UNC79: variants seen among roughly 807,000 people sequenced by gnomAD.
UNC79 encodes the protein unc-79 subunit of NALCN channel complex, also known as protein unc-79 homolog.
In UNC79, 37 loss-of-function variants were observed where a neutral mutation model predicts 283.1. The observed-to-expected ratio is 0.13, with a 90% confidence interval of 0.10 to 0.17. UNC79 has a LOEUF of 0.17. Among genes scored for constraint, UNC79 ranks in the 10% least tolerant of loss-of-function variants. The pLI, the probability that UNC79 is intolerant of heterozygous loss-of-function variation, is 1.00. For synonymous variants in UNC79, 1,107 were observed against 1,200.2 expected, an observed-to-expected ratio of 0.92 and a Z score of 1.61; for missense variants, 2,272 against 3,211.1, an observed-to-expected ratio of 0.71 and a Z score of 7.07.
At position 93,621,759 on chromosome 14, in the gene UNC79, C is replaced by T. The variant is rs749877865; in HGVS notation, c.4526C>T (p.Ser1509Leu). The T allele has an allele frequency of 1.9e-6, 3 of 1,614,152 alleles. No homozygotes were observed. Among genetic ancestry groups the T allele is most frequent in the Non-Finnish European group, 2.5e-6 (3 of 1,180,024 alleles). ...TCTCTTGATATAGGGAATGCAGACT[C>T]GCTTTTGTTTACATTAGACGAACAT... Residue 1509 changes from serine to leucine, a missense_variant, in exon 30 of 49, where the codon TCG (serine) becomes TTG (leucine). Around this residue, in one of 11 missense-constraint regions of UNC79, gnomAD observed 580 missense variants for 632.2 expected, o/e 0.92. Coordinates refer to ENST00000555664, the Ensembl canonical transcript of UNC79. This position sits in a 1 kb window ranked among gnomAD's most constrained non-coding sequence, Gnocchi z 4.8.
intron 1 of UNC79, among the ~76,000 whole-genome samples, chr14:93,421,268 A>G (rs964552640): frequency 7.9e-5 from 12 of 151,742 alleles, no homozygotes; most frequent in Non-Finnish European, 1.3e-4. Flanking sequence ...AAATGGAGAC[A>G]TTACAACTTA....
intron 1 of UNC79, among the ~76,000 whole-genome samples, chr14:93,379,289 C>T (rs925179644): frequency 2.0e-5 from 3 of 152,092 alleles, no homozygotes; most frequent in Admixed American, 6.6e-5. Context: ...AACAGCTAGA[C>T]TTACAAACTG....
chr14:93,537,268 G>A (rs2061137014), intron 11 of UNC79, among the ~76,000 whole-genome samples: 1 of 152,216 alleles, frequency 6.6e-6, no homozygotes, highest in South Asian at 2.1e-4. Context: ...CCTGAACTTG[G>A]AAATGTCTTA....
In UNC79 at chr14:93,676,674, T is replaced by C. The variant is rs1223514716; in HGVS notation, c.6741+3219T>C. ...CCATACTGTAACTGCTGGAGACTGG[T>C]TTTCAATGCAATACATTAGTCAACT... On this transcript the variant is annotated intron_variant, in intron 41 of 48. Coordinates refer to ENST00000555664, the Ensembl canonical transcript of UNC79. Among the ~76,000 whole-genome samples, 3 of 152,170 alleles carry C rather than the reference T, an allele frequency of 2.0e-5. No individual in the cohort carries two copies. The South Asian group carries it at 6.2e-4, about 32-fold the overall frequency.
chr14:93,459,716 G>C (rs2056894537), intron 1 of UNC79, among the ~76,000 whole-genome samples: 1 of 114,896 alleles, frequency 8.7e-6, no homozygotes, highest in African/African-American at 3.5e-5. Flanking sequence ...TTTCGCCCAA[G>C]CTGGACTGCA....
chr14:93,603,321 C>T (rs2065648238), exon 26 of UNC79: 1 of 1,614,206 alleles, frequency 6.2e-7, no homozygotes, highest in Non-Finnish European at 8.5e-7. Flanking sequence ...TTGCAAGAAA[C>T]CGCCAGAAGA....
At chr14:93,470,621 G>A (rs1041604087) in intron 2 of UNC79, among the ~76,000 whole-genome samples, 7 of 152,128 alleles carry the variant, frequency 4.6e-5, no homozygotes, top group African/African-American at 1.7e-4. Context: ...TCCAGCGTTG[G>A]AATCCTTCTA....
chr14:93,539,770 T>C (rs1386014509), intron 12 of UNC79, among the ~76,000 whole-genome samples: 1 of 152,230 alleles, frequency 6.6e-6, no homozygotes, highest in Non-Finnish European at 1.5e-5. Flanking sequence ...GTTTCATTTC[T>C]ATAACTGTAA....
intron 7 of UNC79, among the ~76,000 whole-genome samples, chr14:93,506,224 A>ATTT (rs774515757): frequency 7.1e-6 from 1 of 141,648 alleles, no homozygotes; most frequent in Non-Finnish European, 1.6e-5. Flanking sequence ...ATTGTATACA[A>ATTT]TTTTTTTTTT....
intron 1 of UNC79, among the ~76,000 whole-genome samples, chr14:93,435,477 A>T (rs1228285683): frequency 6.6e-6 from 1 of 151,818 alleles, no homozygotes; most frequent in African/African-American, 2.4e-5. Flanking sequence ...AATCCCACAG[A>T]CTCTTGACCA....
At chr14:93,466,834 CG>C (rs2140255489) in intron 1 of UNC79, 1 of 985,184 alleles carries the variant, frequency 1.0e-6, no homozygotes, top group African/African-American at 1.7e-5. Context: ...ATGACTAGAA[CG>C]GGGTCCTTCA....
intron 35 of UNC79, among the ~76,000 whole-genome samples, chr14:93,649,165 G>A (rs2069966193): frequency 6.6e-6 from 1 of 152,138 alleles, no homozygotes; most frequent in Non-Finnish European, 1.5e-5. Context: ...ATGATAGAGT[G>A]TATATGATAG....
At chr14:93,491,333 T>TTA (rs548135483) in intron 5 of UNC79, among the ~76,000 whole-genome samples, 2 of 151,890 alleles carry the variant, frequency 1.3e-5, no homozygotes, top group Admixed American at 6.5e-5. Context: ...AAATTATATC[T>TTA]TATATATCTG....
At position 93,604,880 on chromosome 14, in the gene UNC79, G is replaced by T. The variant is rs2065773699; in HGVS notation, c.3754+1462G>T. 6.4e-7 allele frequency: 1 copy of T among 1,563,924 alleles called. No homozygotes were observed. The highest frequency in any genetic ancestry group is 1.3e-5 in the African/African-American group (1 of 74,198). On this transcript the variant is annotated intron_variant, in intron 26 of 48. Coordinates refer to ENST00000555664, the Ensembl canonical transcript of UNC79. The stretch of plus-strand genomic sequence containing the variant: ...CTGTAATGCTTATTTAAATAGAGTT[G>T]TTGTTGATTTTTAAGCTATGAGGTT...
At chr14:93,397,525 G>C (rs939803475) in intron 1 of UNC79, among the ~76,000 whole-genome samples, 1 of 152,110 alleles carries the variant, frequency 6.6e-6, no homozygotes, top group African/African-American at 2.4e-5. Context: ...AGTGTTTCTG[G>C]AGAGTGGGGG....
chr14:93,356,479 A>T (rs756950151), intron 1 of UNC79, among the ~76,000 whole-genome samples: 3 of 152,200 alleles, frequency 2.0e-5, no homozygotes, highest in Non-Finnish European at 2.9e-5. Context: ...GACTGTCAAA[A>T]GCACTTCTCA....
intron 1 of UNC79, among the ~76,000 whole-genome samples, chr14:93,438,605 C>T (rs2056180594): frequency 6.6e-6 from 1 of 151,364 alleles, no homozygotes; most frequent in African/African-American, 2.4e-5. Context: ...CTCTCCCATT[C>T]AACATTGTTC....
chr14:93,533,710 G>A (rs1057085144), intron 11 of UNC79, among the ~76,000 whole-genome samples: 1 of 152,170 alleles, frequency 6.6e-6, no homozygotes, highest in African/African-American at 2.4e-5. Flanking sequence ...GCATTCAACA[G>A]GTCAAAGCAA....
chr14:93,338,974 A>C (rs914371121), intron 1 of UNC79, among the ~76,000 whole-genome samples: 12 of 152,208 alleles, frequency 7.9e-5, no homozygotes, highest in African/African-American at 2.9e-4. Context: ...AATGATTTGT[A>C]AATTGGGCAG....
Sources: gnomAD v4.1 joint callset for allele counts (sites outside exome capture counted in the v4.1 genomes callset) on GRCh38, gnomAD v4.1.1 for gene constraint, gnomAD v4.1.1 regional missense constraint, Gnocchi (gnomAD v3.1) non-coding constraint, MANE v1.5 for transcripts, NCBI Gene and HGNC (gene_info 2026-07-23, HGNC 2026-07-21) for gene names.